OPCML: variants seen among roughly 807,000 people sequenced by gnomAD.
OPCML encodes the protein opioid-binding protein/cell adhesion molecule.
A neutral mutation model predicts 37.8 loss-of-function variants in OPCML; 13 were observed. That is an observed-to-expected ratio of 0.34 (90% CI 0.22 to 0.55). The LOEUF is 0.55. OPCML is among the 20% of genes least tolerant of loss of function. The probability of loss-of-function intolerance (pLI) is 0.91; values close to 1 mark genes in which losing one functional copy is unlikely to be tolerated. For missense variants in OPCML, 341 were observed against 435.6 expected, an observed-to-expected ratio of 0.78 and a Z score of 1.93; for synonymous variants, 176 against 168.8, an observed-to-expected ratio of 1.04 and a Z score of -0.33.
At chr11:132,577,834 C>T (rs2096454211) in intron 3 of OPCML, among the ~76,000 whole-genome samples, 1 of 152,036 alleles carries the variant, frequency 6.6e-6, no homozygotes, top group African/African-American at 2.4e-5. Flanking sequence ...CTTTTTTCCT[C>T]TAAAATTCTG....
At chr11:132,926,770 T>C (rs779387853) in intron 2 of OPCML, among the ~76,000 whole-genome samples, 1 of 152,002 alleles carries the variant, frequency 6.6e-6, no homozygotes. Context: ...GAAAAGACTT[T>C]ATAAAAACTG....
intron 3 of OPCML, among the ~76,000 whole-genome samples, chr11:132,607,459 G>A (rs991555858): frequency 1.3e-5 from 2 of 152,342 alleles, no homozygotes; most frequent in Middle Eastern, 6.8e-3. Flanking sequence ...GAACTCCTCA[G>A]TAACTACTGA....
intron 1 of OPCML, among the ~76,000 whole-genome samples, chr11:133,444,104 C>T (rs904679095): frequency 3.9e-5 from 6 of 152,092 alleles, no homozygotes; most frequent in African/African-American, 1.2e-4. Flanking sequence ...AGGGGAGACA[C>T]GGCCTTTTCT....
chr11:133,061,370 G>A (rs566910155), intron 1 of OPCML, among the ~76,000 whole-genome samples: 84 of 152,324 alleles, frequency 5.5e-4, no homozygotes, highest in African/African-American at 2.0e-3. Context: ...TTCTGCAGTG[G>A]ATGTGTTTTG....
chr11:132,440,437 C>T (rs992867825), intron 4 of OPCML, among the ~76,000 whole-genome samples: 1 of 152,064 alleles, frequency 6.6e-6, no homozygotes, highest in African/African-American at 2.4e-5. Context: ...CATGGCTGGG[C>T]CGGGGCCCCC....
chr11:132,432,884 G>A (rs184559040), intron 7 of OPCML, among the ~76,000 whole-genome samples: 38 of 152,318 alleles, frequency 2.5e-4, no homozygotes, highest in Admixed American at 9.1e-4. Context: ...TGATCACATA[G>A]AACAGTGCCT....
chr11:132,528,329 G>A (rs889505565), intron 4 of OPCML, among the ~76,000 whole-genome samples: 7 of 152,122 alleles, frequency 4.6e-5, no homozygotes, highest in African/African-American at 1.7e-4. Context: ...GCCTGAGGAA[G>A]CTCTTGTTTC....
intron 3 of OPCML, among the ~76,000 whole-genome samples, chr11:132,588,531 T>C (rs187009149): frequency 4.3e-4 from 65 of 152,318 alleles, no homozygotes; most frequent in African/African-American, 1.5e-3. Context: ...CCTAGATGAC[T>C]GCAATTCCTC....
chr11:132,637,060 T>C (rs760370759), intron 3 of OPCML, among the ~76,000 whole-genome samples: 4 of 152,180 alleles, frequency 2.6e-5, no homozygotes, highest in Admixed American at 1.3e-4. Context: ...ATCACCAAGA[T>C]AGATGACTAG....
chr11:133,011,781 A>T (rs1364412042), intron 1 of OPCML, among the ~76,000 whole-genome samples: 3 of 152,102 alleles, frequency 2.0e-5, no homozygotes, highest in African/African-American at 7.2e-5. Context: ...ATTTAACCAC[A>T]CCTAGCCCAG....
At chr11:133,259,103 A>G (rs1482168121) in intron 1 of OPCML, among the ~76,000 whole-genome samples, 3 of 152,180 alleles carry the variant, frequency 2.0e-5, no homozygotes, top group Non-Finnish European at 4.4e-5. Context: ...AAATTGTTCA[A>G]CCTTTCCTAC....
chr11:133,009,207 A>G (rs1947169043), intron 1 of OPCML: 1 of 985,322 alleles, frequency 1.0e-6, no homozygotes, highest in Non-Finnish European at 1.2e-6. Flanking sequence ...ATGTAGATAT[A>G]GTCCCTGATC....
At chr11:132,552,455 A>G (rs892087279) in intron 3 of OPCML, among the ~76,000 whole-genome samples, 1 of 152,082 alleles carries the variant, frequency 6.6e-6, no homozygotes, top group African/African-American at 2.4e-5. Flanking sequence ...AACTTCAATC[A>G]CTTGCTTTTA....
At chr11:132,776,718 A>T (rs900487522) in intron 2 of OPCML, among the ~76,000 whole-genome samples, 2 of 152,114 alleles carry the variant, frequency 1.3e-5, no homozygotes, top group African/African-American at 4.8e-5. Context: ...TAAGCCAATG[A>T]AACCTCTTTT....
intron 3 of OPCML, among the ~76,000 whole-genome samples, chr11:132,542,341 T>G (rs540186885): frequency 6.6e-6 from 1 of 152,326 alleles, no homozygotes; most frequent in South Asian, 2.1e-4. Flanking sequence ...AGCAGATCTT[T>G]CTGCTGTGGC....
chr11:133,261,457 A>T (rs1941493070), intron 1 of OPCML, among the ~76,000 whole-genome samples: 1 of 152,188 alleles, frequency 6.6e-6, no homozygotes, highest in Non-Finnish European at 1.5e-5. Flanking sequence ...CATCAGACGA[A>T]AGAGTGGTGA....
chr11:133,102,479 T>A (rs1381557981), intron 1 of OPCML, among the ~76,000 whole-genome samples: 3 of 152,200 alleles, frequency 2.0e-5, no homozygotes, highest in Non-Finnish European at 2.9e-5. Context: ...CCAGGGGCGG[T>A]GGCTCATGCC....
At chr11:132,742,753 T>C (rs898495665) in intron 2 of OPCML, among the ~76,000 whole-genome samples, 2 of 148,632 alleles carry the variant, frequency 1.3e-5, no homozygotes, top group African/African-American at 4.9e-5. Flanking sequence ...ATATATTATA[T>C]ACTTATACGT....
chr11:132,730,247 G>T (rs1287290316), intron 2 of OPCML, among the ~76,000 whole-genome samples: 1 of 151,896 alleles, frequency 6.6e-6, no homozygotes, highest in African/African-American at 2.4e-5. Flanking sequence ...ACCAAATGCA[G>T]TTGACTATTT....
Sources: allele counts gnomAD v4.1 joint callset (sites outside exome capture counted in the v4.1 genomes callset), GRCh38; gene constraint gnomAD v4.1.1; transcripts MANE v1.5; gene names NCBI Gene and HGNC (gene_info 2026-07-23, HGNC 2026-07-21).